Variants in PAPPA2 observed in about 807,000 individuals in gnomAD.
The protein encoded by PAPPA2 is pappalysin-2.
Under a neutral mutation model 176.4 loss-of-function variants are expected in PAPPA2, and 86 were observed. The observed-to-expected ratio is 0.49, with a 90% CI of 0.41 to 0.58. The LOEUF (loss-of-function observed/expected upper bound fraction) is 0.58, where lower values mean the gene tolerates loss of function less well. Ranked by LOEUF, PAPPA2 falls within the 20% of genes least tolerant of loss-of-function variation. The pLI, the probability that PAPPA2 is intolerant of heterozygous loss-of-function variation, is 0.00. For missense variants in PAPPA2, 2,073 were observed against 2,256.9 expected (o/e 0.92, Z 1.65); for synonymous variants, 809 against 852.2 (o/e 0.95, Z 0.88).
At chr1:176,762,162 G>A (rs999070289) in intron 14 of PAPPA2, among the ~76,000 whole-genome samples, 5 of 151,918 alleles carry the variant, frequency 3.3e-5, no homozygotes, top group African/African-American at 9.7e-5. Context: ...CCTTAAAAAG[G>A]AAGCAAATGG....
At chr1:176,742,492 T>C (rs1245769428) in intron 14 of PAPPA2, among the ~76,000 whole-genome samples, 1 of 152,052 alleles carries the variant, frequency 6.6e-6, no homozygotes, top group African/African-American at 2.4e-5. Flanking sequence ...CCAGGAGAAA[T>C]AGGATATGAT....
At chr1:176,464,889 AT>A (rs769130535) in intron 1 of PAPPA2, among the ~76,000 whole-genome samples, 11 of 152,232 alleles carry the variant, frequency 7.2e-5, no homozygotes, top group Admixed American at 3.3e-4. Context: ...CCCAATATCC[AT>A]ATGCAGTGGT....
intron 21 of PAPPA2, among the ~76,000 whole-genome samples, chr1:176,816,373 T>TCA (rs1442575199): frequency 1.8e-5 from 1 of 56,424 alleles, no homozygotes; most frequent in African/African-American, 5.4e-5. Flanking sequence ...TCTGACATCA[T>TCA]CACGCACACA....
chr1:176,785,689 C>T (rs548802397), intron 17 of PAPPA2, among the ~76,000 whole-genome samples: 1 of 152,160 alleles, frequency 6.6e-6, no homozygotes, highest in Admixed American at 6.6e-5. Context: ...TGGTTTGTAG[C>T]GCAGGGCCTG....
At chr1:176,738,973 A>T (rs1662544614) in intron 12 of PAPPA2, among the ~76,000 whole-genome samples, 1 of 151,992 alleles carries the variant, frequency 6.6e-6, no homozygotes, top group South Asian at 2.1e-4. Flanking sequence ...CCTGTGTCCC[A>T]TTGTTGGCTT....
intron 21 of PAPPA2, among the ~76,000 whole-genome samples, chr1:176,821,964 T>C (rs1666682849): frequency 6.6e-6 from 1 of 152,212 alleles, no homozygotes; most frequent in South Asian, 2.1e-4. Flanking sequence ...AGGTTTGAAA[T>C]CTAGAATCTC....
chr1:176,502,934 T>G (rs1400915475), intron 1 of PAPPA2, among the ~76,000 whole-genome samples: 2 of 152,212 alleles, frequency 1.3e-5, no homozygotes, highest in African/African-American at 4.8e-5. Context: ...GTAATCTGTA[T>G]AGTTAAACAC....
intron 21 of PAPPA2, among the ~76,000 whole-genome samples, chr1:176,815,571 G>A (rs1379780431): frequency 6.6e-6 from 1 of 152,126 alleles, no homozygotes; most frequent in African/African-American, 2.4e-5. Context: ...ATCTGAGACA[G>A]GTCTCAATCA....
intron 17 of PAPPA2, among the ~76,000 whole-genome samples, chr1:176,777,212 T>C (rs1370138781): frequency 6.6e-6 from 1 of 152,166 alleles, no homozygotes; most frequent in Admixed American, 6.6e-5. Context: ...GGTAGATACA[T>C]AACAATTTAT....
At chr1:176,610,182 A>C (rs1654831500) in intron 3 of PAPPA2, among the ~76,000 whole-genome samples, 1 of 151,744 alleles carries the variant, frequency 6.6e-6, no homozygotes, top group Non-Finnish European at 1.5e-5. Flanking sequence ...AGGAAGATTT[A>C]TTGTTCAGGA....
At chr1:176,605,164 C>A in intron 3 of PAPPA2, among the ~76,000 whole-genome samples, 1 of 152,012 alleles carries the variant, frequency 6.6e-6, no homozygotes, top group East Asian at 1.9e-4. Context: ...GCTACAATAG[C>A]CAGGAAGTAT....
At chr1:176,516,017 A>G (rs1401438268) in intron 1 of PAPPA2, among the ~76,000 whole-genome samples, 3 of 152,204 alleles carry the variant, frequency 2.0e-5, no homozygotes, top group Non-Finnish European at 4.4e-5. Context: ...GGCCAAAGTC[A>G]ACTAGCCTAA....
intron 1 of PAPPA2, among the ~76,000 whole-genome samples, chr1:176,507,535 C>T (rs1648346970): frequency 6.6e-6 from 1 of 152,160 alleles, no homozygotes; most frequent in Admixed American, 6.5e-5. Flanking sequence ...TGGAATCAAG[C>T]TTAATGCCCA....
intron 17 of PAPPA2, among the ~76,000 whole-genome samples, chr1:176,775,183 C>T (rs559037266): frequency 2.6e-5 from 4 of 152,250 alleles, no homozygotes; most frequent in Admixed American, 2.0e-4. Context: ...TCTATATTCA[C>T]GAATAGACCA....
rs564061434 is a variant in PAPPA2 at position 176,574,898 on chromosome 1, A to C, written c.919+17657A>C. Among the ~76,000 whole-genome samples, 248 of 152,320 alleles carry C rather than the reference A, an allele frequency of 1.6e-3. 1 individual carries two copies. The highest frequency in any genetic ancestry group is 2.8e-3 in the Non-Finnish European group (191 of 68,020). On this transcript the variant is annotated intron_variant, in intron 2 of 22. Transcript: ENST00000367662. ...TGCCTACAGTATCCAGTACAGTCAC[A>C]TGCTTTACAGGTTTGTAGCCTAGAG...
In PAPPA2 at chr1:176,845,488, T is replaced by A. The variant is rs1571413522; in HGVS notation, c.*3034T>A. On this transcript the variant is annotated 3_prime_UTR_variant, in exon 23 of 23. Coordinates refer to ENST00000367662, the MANE Select transcript of PAPPA2 (RefSeq NM_020318.3). ...ATTAGTTAACACCCAAGGGGATGGC[T>A]TGATTGGGAATGTAGTGAAAGGAGC... is the stretch of plus-strand genomic sequence containing the variant. 1 of 152,344 alleles carries A rather than the reference T, an allele frequency of 6.6e-6. No homozygotes were observed. The highest frequency in any genetic ancestry group is 2.1e-4 in the South Asian group (1 of 4,828). 9.4% of individuals were successfully genotyped at this position (152,344 alleles called of 1,614,324 possible).
At chr1:176,481,254 A>G (rs1209719695) in intron 1 of PAPPA2, among the ~76,000 whole-genome samples, 4 of 42,090 alleles carry the variant, frequency 9.5e-5, no homozygotes, top group South Asian at 8.2e-4. Flanking sequence ...ATTTTAAAGC[A>G]CACACACACA....
chr1:176,757,231 AT>A (rs1663473357), intron 14 of PAPPA2, among the ~76,000 whole-genome samples: 1 of 152,172 alleles, frequency 6.6e-6, no homozygotes, highest in African/African-American at 2.4e-5. Flanking sequence ...CAGTAGTGGG[AT>A]TGCTGGGTCA....
intron 9 of PAPPA2, among the ~76,000 whole-genome samples, chr1:176,703,229 T>A (rs1375056905): frequency 6.6e-6 from 1 of 152,198 alleles, no homozygotes; most frequent in African/African-American, 2.4e-5. Flanking sequence ...CAACCCTTAG[T>A]AGAACTGATA....
Sources: allele counts gnomAD v4.1 joint callset (sites outside exome capture counted in the v4.1 genomes callset), GRCh38; gene constraint gnomAD v4.1.1; transcripts MANE v1.5; gene names NCBI Gene and HGNC (gene_info 2026-07-23, HGNC 2026-07-21).